Variants in DCAF8 observed in about 807,000 individuals in gnomAD.
DCAF8 encodes DDB1 and CUL4 associated factor 8, also known as DDB1- and CUL4-associated factor 8.
In DCAF8, 20 loss-of-function variants were observed where a neutral mutation model predicts 68.0. The ratio of observed to expected loss-of-function variants is 0.29; its 90% CI spans 0.21 to 0.43. The LOEUF (loss-of-function observed/expected upper bound fraction) is 0.43, where lower values mean the gene tolerates loss of function less well. Among genes scored for constraint, DCAF8 ranks in the 20% least tolerant of loss-of-function variants. DCAF8 has a pLI of 1.00. For synonymous variants in DCAF8, 230 were observed against 276.9 expected, an observed-to-expected ratio of 0.83 and a Z score of 1.68; for missense variants, 460 against 771.0, an observed-to-expected ratio of 0.60 and a Z score of 4.78.
chr1:160,235,774 C>T (rs955752414), intron 6 of DCAF8, among the ~76,000 whole-genome samples: 10 of 148,632 alleles, frequency 6.7e-5, no homozygotes, highest in African/African-American at 2.3e-4. Context: ...AGTTTTGCTC[C>T]GTCACTCAGG....
At chr1:160,236,432 ATG>A (rs200487674) in intron 6 of DCAF8, among the ~76,000 whole-genome samples, 5 of 149,476 alleles carry the variant, frequency 3.3e-5, no homozygotes, top group Admixed American at 1.3e-4. Context: ...GTGTGTGTGT[ATG>A]TGTGTGTGTG....
intron 9 of DCAF8, 150 bp from the exon 10 acceptor site, chr1:160,224,699 G>A (rs1037365986): frequency 5.4e-5 from 36 of 661,996 alleles, no homozygotes; most frequent in South Asian, 1.2e-4. Context: ...AGGCAAGTCC[G>A]ACTGTACAGG....
At chr1:160,218,185 G>T (rs1297164652) in intron 13 of DCAF8, 139 bp downstream of exon 13, 4 of 709,652 alleles carry the variant, frequency 5.6e-6, no homozygotes, top group Non-Finnish European at 1.0e-5. Flanking sequence ...CTATATCAGG[G>T]ATCTGATGGG....
At chr1:160,250,541 T>A (rs1277037686) in intron 2 of DCAF8, among the ~76,000 whole-genome samples, 1 of 144,890 alleles carries the variant, frequency 6.9e-6, no homozygotes, top group Non-Finnish European at 1.5e-5. Flanking sequence ...AATGACATAA[T>A]ACCATTAAAA....
At chr1:160,256,735 AATAAG>A (rs1394807936) in intron 2 of DCAF8, among the ~76,000 whole-genome samples, 1 of 152,258 alleles carries the variant, frequency 6.6e-6, no homozygotes, top group East Asian at 1.9e-4. Flanking sequence ...ACATTTCATT[AATAAG>A]ATGACATCTT....
At chr1:160,232,424 T>G (rs937817779) in intron 6 of DCAF8, among the ~76,000 whole-genome samples, 1 of 151,890 alleles carries the variant, frequency 6.6e-6, no homozygotes, top group African/African-American at 2.4e-5. Flanking sequence ...GGGTGGATCA[T>G]GAGGTCAGGA....
In DCAF8 at chr1:160,216,594, A is replaced by G. The variant is rs1392916089; in HGVS notation, c.*998T>C. The G allele has an allele frequency of 6.6e-6, 1 of 152,608 alleles. No homozygotes were observed. Among genetic ancestry groups the G allele is most frequent in the East Asian group, 1.9e-4 (1 of 5,198 alleles). The allele number at this position is 152,608 out of a possible 1,614,324, so 9.5% of individuals were successfully genotyped here. On this transcript the variant is annotated 3_prime_UTR_variant, in exon 14 of 14. Transcript: ENST00000368074. Reference sequence around the variant, plus strand: ...TCCTAAAACCTAAAGGGTAAGTCCCAATCTCTAGTGACCATACACAGAGGT... The same window carrying G: ...TCCTAAAACCTAAAGGGTAAGTCCCGATCTCTAGTGACCATACACAGAGGT...
intron 4 of DCAF8, chr1:160,239,480 C>A: frequency 6.9e-7 from 1 of 1,456,964 alleles, no homozygotes; most frequent in South Asian, 1.4e-5. Flanking sequence ...TGCATGCACC[C>A]TACCTATGAG....
chr1:160,240,320 C>G lies in DCAF8; in HGVS notation c.100G>C (p.Glu34Gln), dbSNP rs777366581. Reference sequence around the variant, plus strand: ...TCCACTTCAATGCCTGAGGATGTCTCCCTCCCCTCTTCAGCTCCAGACATC... The same window carrying G: ...TCCACTTCAATGCCTGAGGATGTCTGCCTCCCCTCTTCAGCTCCAGACATC... ...EEMSGAEEGR[E>Q]TSSGIEVEAS... Residue 34 changes from glutamate (E) to glutamine (Q), a missense_variant, in exon 4 of 14, where the codon GAG (glutamate) becomes CAG (glutamine). Physicochemically the swap from Glu to Gln is conservative, Grantham distance 29. Transcript: ENST00000368074. 6.2e-7 allele frequency: 1 copy of G among 1,613,660 alleles called. No individual in the cohort carries two copies. Among genetic ancestry groups the G allele is most frequent in the Non-Finnish European group, 8.5e-7 (1 of 1,179,974 alleles).
At chr1:160,226,467 ATAT>A (rs1571083240) in intron 7 of DCAF8, among the ~76,000 whole-genome samples, 1 of 152,202 alleles carries the variant, frequency 6.6e-6, no homozygotes, top group African/African-American at 2.4e-5. Flanking sequence ...TATGTGTCAA[ATAT>A]TATGCTAGGT....
Position 160,228,117 on chromosome 1 carries a change from C to T in DCAF8, c.1071-2454G>A, listed in dbSNP as rs1022857806. On this transcript the variant is annotated intron_variant, in intron 7 of 13. Transcript: ENST00000368074. ...ATTTTTTTTTTTTTTGGTAGAGACACAGTCTTGCTATATTGCCCAAGTTGG... is the reference window on the plus strand; with the variant it reads ...ATTTTTTTTTTTTTTGGTAGAGACATAGTCTTGCTATATTGCCCAAGTTGG... Among the ~76,000 whole-genome samples, 3 of 147,418 alleles carry T rather than the reference C, an allele frequency of 2.0e-5. No individual in the cohort carries two copies. The East Asian group carries it at 5.9e-4, about 29-fold the overall frequency.
chr1:160,244,153 T>C, intron 2 of DCAF8, 119 bp from the exon 3 acceptor site: 2 of 750,686 alleles, frequency 2.7e-6, no homozygotes, highest in Admixed American at 2.4e-5. Flanking sequence ...ATGATTTGTG[T>C]ATGCATGCTT....
At chr1:160,236,446 GTATA>G (rs141525896) in intron 6 of DCAF8, among the ~76,000 whole-genome samples, 1 of 149,600 alleles carries the variant, frequency 6.7e-6, no homozygotes, top group South Asian at 2.1e-4. Context: ...GTGTGTGTGT[GTATA>G]TATATATATA....
intron 2 of DCAF8, among the ~76,000 whole-genome samples, chr1:160,248,163 C>G (rs571974410): frequency 6.6e-6 from 1 of 151,928 alleles, no homozygotes; most frequent in Non-Finnish European, 1.5e-5. Context: ...AAAAATTAGC[C>G]GGGCGTGGTG....
intron 2 of DCAF8, among the ~76,000 whole-genome samples, chr1:160,259,531 A>AAAAAC (rs1656979405): frequency 6.6e-6 from 1 of 150,626 alleles, no homozygotes; most frequent in African/African-American, 2.5e-5. Flanking sequence ...GACTCGTCAA[A>AAAAAC]AAACAAACAA....
At chr1:160,237,424 TTTTG>T (rs1158729132) in intron 5 of DCAF8, among the ~76,000 whole-genome samples, 195 bp from the exon 6 acceptor site, 3 of 152,222 alleles carry the variant, frequency 2.0e-5, no homozygotes, top group African/African-American at 7.2e-5. Flanking sequence ...TTATTTATAG[TTTTG>T]TTTATTCTAT....
chr1:160,231,601 G>A (rs907235149), intron 6 of DCAF8, among the ~76,000 whole-genome samples, 194 bp from the exon 7 acceptor site: 4 of 152,174 alleles, frequency 2.6e-5, no homozygotes, highest in African/African-American at 4.8e-5. Context: ...TATTATATGG[G>A]ACTTTGGGGA....
chr1:160,244,520 T>C (rs552696420), intron 2 of DCAF8, among the ~76,000 whole-genome samples: 18 of 152,320 alleles, frequency 1.2e-4, no homozygotes, highest in Admixed American at 8.5e-4. Flanking sequence ...ATTCTGAGTA[T>C]CATTTTACAC....
At chr1:160,218,742 C>A in intron 12 of DCAF8, 107 bp downstream of exon 12, 1 of 1,502,672 alleles carries the variant, frequency 6.7e-7, no homozygotes, top group South Asian at 1.3e-5. Context: ...GGTGTTAGAG[C>A]AGTGCCTTTA....
Sources: gnomAD v4.1 joint callset for allele counts (sites outside exome capture counted in the v4.1 genomes callset) on GRCh38, gnomAD v4.1.1 for gene constraint, MANE v1.5 for transcripts, NCBI Gene and HGNC (gene_info 2026-07-23, HGNC 2026-07-21) for gene names.